PACRG: variants seen among roughly 807,000 people sequenced by gnomAD.
The protein encoded by PACRG is parkin coregulated, also known as parkin coregulated gene protein.
PACRG carries 29 observed loss-of-function variants against 29.7 expected under a neutral mutation model. That is an observed-to-expected ratio of 0.98 (90% CI 0.73 to 1.33). The LOEUF (loss-of-function observed/expected upper bound fraction) is 1.33. Ranked by LOEUF, PACRG falls within the 40% of genes most tolerant of loss-of-function variation. PACRG has a pLI of 0.00. For synonymous variants in PACRG, 116 were observed against 118.7 expected, an observed-to-expected ratio of 0.98 and a Z score of 0.15; for missense variants, 279 against 316.2, an observed-to-expected ratio of 0.88 and a Z score of 0.89.
intron 4 of PACRG, among the ~76,000 whole-genome samples, chr6:163,257,415 G>T (rs1477633762): frequency 6.6e-6 from 1 of 152,034 alleles, no homozygotes; most frequent in Non-Finnish European, 1.5e-5. Flanking sequence ...AGTCAGTGGT[G>T]GTATAAGAAA....
At chr6:162,923,611 G>A (rs1188493302) in intron 2 of PACRG, among the ~76,000 whole-genome samples, 1 of 152,106 alleles carries the variant, frequency 6.6e-6, no homozygotes, top group Non-Finnish European at 1.5e-5. Flanking sequence ...AGTGAAGAGT[G>A]TGTCATTTCC....
At chr6:162,831,815 A>G (rs1788795273) in intron 2 of PACRG, among the ~76,000 whole-genome samples, 1 of 152,294 alleles carries the variant, frequency 6.6e-6, no homozygotes, top group African/African-American at 2.4e-5. Context: ...AGCTCCATCC[A>G]TGTTCCTGCA....
intron 2 of PACRG, among the ~76,000 whole-genome samples, chr6:162,830,510 C>A (rs1377650148): frequency 1.3e-5 from 2 of 152,234 alleles, no homozygotes; most frequent in Non-Finnish European, 2.9e-5. Context: ...ATCCTTGGCA[C>A]CCATTCTCAT....
chr6:162,995,396 C>G (rs1803910684), intron 2 of PACRG, among the ~76,000 whole-genome samples: 1 of 152,196 alleles, frequency 6.6e-6, no homozygotes, highest in African/African-American at 2.4e-5. Context: ...CAGCGAGATT[C>G]CATGGGCGTA....
At chr6:162,767,132 C>T (rs1326481487) in intron 1 of PACRG, among the ~76,000 whole-genome samples, 2 of 151,952 alleles carry the variant, frequency 1.3e-5, no homozygotes, top group Non-Finnish European at 2.9e-5. Flanking sequence ...AGGAGTACTA[C>T]AGAAGAATGT....
chr6:162,954,259 G>A (rs7749139), intron 2 of PACRG, among the ~76,000 whole-genome samples: 81,882 of 151,910 alleles, frequency 0.54, 22,724 homozygotes, highest in Middle Eastern at 0.72. Flanking sequence ...ATTTTTAGTT[G>A]CATTAGAAAA....
At chr6:162,848,312 G>A (rs1790579165) in intron 2 of PACRG, among the ~76,000 whole-genome samples, 1 of 152,190 alleles carries the variant, frequency 6.6e-6, no homozygotes, top group Non-Finnish European at 1.5e-5. Context: ...TTCAGCTTTA[G>A]GAGCAGCAGT....
At position 163,262,932 on chromosome 6, in the gene PACRG, G is replaced by A. The variant is rs112004116; in HGVS notation, c.614-51895G>A. On this transcript the variant is annotated intron_variant, in intron 4 of 4. Coordinates refer to ENST00000366888, the MANE Select transcript of PACRG (RefSeq NM_001080379.2). ...CAGTGTGGTGGCGCATGCCCAGGTA[G>A]TCCCAGCTACTCAGGAGGCTGAGGC... Among the ~76,000 whole-genome samples, 670 of 148,276 alleles carry A rather than the reference G, an allele frequency of 4.5e-3. 8 individuals are homozygous for A. Among genetic ancestry groups the A allele is most frequent in the African/African-American group, 0.016 (640 of 40,182 alleles).
At chr6:163,134,730 C>A (rs1022953912) in intron 4 of PACRG, among the ~76,000 whole-genome samples, 29 of 152,126 alleles carry the variant, frequency 1.9e-4, no homozygotes, top group Non-Finnish European at 3.4e-4. Flanking sequence ...TTCCCTAATA[C>A]CTACCTAACA....
At chr6:162,844,334 A>G (rs566929372) in intron 2 of PACRG, among the ~76,000 whole-genome samples, 7 of 152,266 alleles carry the variant, frequency 4.6e-5, no homozygotes, top group Admixed American at 1.3e-4. Context: ...GAAAAGCGCA[A>G]TATTCGGGTG....
chr6:163,003,386 C>T (rs530084057), intron 2 of PACRG, among the ~76,000 whole-genome samples: 1 of 152,178 alleles, frequency 6.6e-6, no homozygotes, highest in East Asian at 1.9e-4. Flanking sequence ...GAATGTTAAA[C>T]CCTTGCTTTA....
chr6:163,042,184 G>A (rs1375739046), intron 2 of PACRG, among the ~76,000 whole-genome samples: 1 of 152,124 alleles, frequency 6.6e-6, no homozygotes, highest in Non-Finnish European at 1.5e-5. Flanking sequence ...CAGCTGGAAC[G>A]TGGTGGCATA....
At chr6:162,823,502 C>A (rs1312829529) in intron 2 of PACRG, among the ~76,000 whole-genome samples, 1 of 150,118 alleles carries the variant, frequency 6.7e-6, no homozygotes. Context: ...TCTGGCAGAG[C>A]TTTCTTTTCT....
chr6:162,730,796 A>G (rs909794848), intron 1 of PACRG, among the ~76,000 whole-genome samples: 1 of 152,224 alleles, frequency 6.6e-6, no homozygotes, highest in African/African-American at 2.4e-5. Flanking sequence ...CTGCAATGAA[A>G]TAATATTCAA....
At chr6:162,776,163 C>A (rs1239804823) in intron 1 of PACRG, among the ~76,000 whole-genome samples, 1 of 152,196 alleles carries the variant, frequency 6.6e-6, no homozygotes, top group Non-Finnish European at 1.5e-5. Context: ...CTACATATTC[C>A]TTGGTCTTTA....
intron 4 of PACRG, among the ~76,000 whole-genome samples, chr6:163,201,097 G>C (rs143985437): frequency 2.1e-4 from 32 of 152,268 alleles, no homozygotes; most frequent in African/African-American, 7.0e-4. Flanking sequence ...TTCTTAACTT[G>C]TAATGTGTCA....
At chr6:162,824,984 C>T (rs1391083619) in intron 2 of PACRG, among the ~76,000 whole-genome samples, 2 of 152,192 alleles carry the variant, frequency 1.3e-5, no homozygotes, top group Non-Finnish European at 2.9e-5. Context: ...TTGAGAGTCT[C>T]TATAAAACTT....
At chr6:162,997,000 A>G (rs1393259257) in intron 2 of PACRG, among the ~76,000 whole-genome samples, 4 of 152,188 alleles carry the variant, frequency 2.6e-5, no homozygotes, top group East Asian at 1.9e-4. Context: ...TAGATTTTAT[A>G]AGATAAACTA....
intron 2 of PACRG, among the ~76,000 whole-genome samples, chr6:162,845,188 G>C (rs1001856408): frequency 2.0e-5 from 3 of 152,050 alleles, no homozygotes; most frequent in Admixed American, 6.6e-5. Flanking sequence ...TTGCAGACTA[G>C]CAATGCAGTA....
Sources: gnomAD v4.1 joint callset for allele counts (sites outside exome capture counted in the v4.1 genomes callset) on GRCh38, gnomAD v4.1.1 for gene constraint, MANE v1.5 for transcripts, NCBI Gene and HGNC (gene_info 2026-07-23, HGNC 2026-07-21) for gene names.